Variants in PSPH observed in about 807,000 individuals in gnomAD.
PSPH encodes the protein L-3-phosphoserine phosphatase.
Under a neutral mutation model 23.4 loss-of-function variants are expected in PSPH, and 16 were observed. That is an observed-to-expected ratio of 0.68 (90% CI 0.46 to 1.04). The LOEUF (loss-of-function observed/expected upper bound fraction) is 1.04. Among genes scored for constraint, PSPH ranks in the 50% least tolerant of loss-of-function variants. PSPH has a pLI of 0.00. For synonymous variants in PSPH, 68 were observed against 99.7 expected (o/e 0.68, Z 1.89); for missense variants, 223 against 273.7 (o/e 0.81, Z 1.31).
chr7:56,037,466 T>C (rs1181406918), intron 1 of PSPH, among the ~76,000 whole-genome samples: 1 of 151,860 alleles, frequency 6.6e-6, no homozygotes, highest in Admixed American at 6.6e-5. Context: ...TAACCCAGGC[T>C]GAAGTGCAGT....
intron 3 of PSPH, among the ~76,000 whole-genome samples, chr7:56,022,540 G>C (rs1232654834): frequency 1.3e-5 from 2 of 152,120 alleles, no homozygotes; most frequent in Admixed American, 6.6e-5. Flanking sequence ...GAAGGAAGCA[G>C]ATGACCTGCT....
In PSPH at chr7:56,032,388, T is replaced by C. The variant is rs182900655; in HGVS notation, c.-145-334A>G. ...ACAAGGAAGCAGACTTGGGCGGGCATGATGGCTCACACCTGTAATCCCAGC... is the reference window on the plus strand; with the variant it reads ...ACAAGGAAGCAGACTTGGGCGGGCACGATGGCTCACACCTGTAATCCCAGC... On this transcript the variant is annotated intron_variant, in intron 2 of 7. Transcript: ENST00000275605. 2.0e-3 allele frequency among the ~76,000 whole-genome samples: 304 copies of C among 152,138 alleles called. 1 individual carries two copies. Among genetic ancestry groups the C allele is most frequent in the Non-Finnish European group, 3.2e-3 (216 of 67,998 alleles).
At chr7:56,037,937 C>A (rs1791953242) in intron 1 of PSPH, among the ~76,000 whole-genome samples, 1 of 151,186 alleles carries the variant, frequency 6.6e-6, no homozygotes, top group Non-Finnish European at 1.5e-5. Context: ...GGTCTTGAAC[C>A]CCTGGCCTCA....
At chr7:56,024,743 G>A (rs1373790551) in intron 3 of PSPH, among the ~76,000 whole-genome samples, 3 of 150,654 alleles carry the variant, frequency 2.0e-5, no homozygotes, top group African/African-American at 7.3e-5. Flanking sequence ...GTGAGACCCT[G>A]TCTCAAAAGT....
At chr7:56,038,502 G>A (rs1304706432) in intron 1 of PSPH, among the ~76,000 whole-genome samples, 1 of 151,582 alleles carries the variant, frequency 6.6e-6, no homozygotes. Context: ...CAATTTCTAT[G>A]ACCCAGCAAT....
chr7:56,039,139 ACT>A (rs966228251), intron 1 of PSPH, among the ~76,000 whole-genome samples: 3 of 141,820 alleles, frequency 2.1e-5, no homozygotes, highest in Non-Finnish European at 3.1e-5. Context: ...CAAGAACAAA[ACT>A]CTGTCTCAAA....
chr7:56,034,765 CTTG>C, intron 1 of PSPH, among the ~76,000 whole-genome samples: 1 of 152,208 alleles, frequency 6.6e-6, no homozygotes, highest in Non-Finnish European at 1.5e-5. Flanking sequence ...ATCCGCCCGC[CTTG>C]GCCTCCCAAA....
intron 3 of PSPH, among the ~76,000 whole-genome samples, chr7:56,026,856 G>C (rs1257580864): frequency 1.3e-5 from 2 of 152,024 alleles, no homozygotes; most frequent in African/African-American, 4.8e-5. Context: ...ACAGACAAAT[G>C]GTGTAAGAGG....
At chr7:56,016,227 C>T (rs535946192) in intron 6 of PSPH, among the ~76,000 whole-genome samples, 8 of 150,766 alleles carry the variant, frequency 5.3e-5, no homozygotes, top group Admixed American at 1.3e-4. Context: ...GATGAAACCC[C>T]GACTCTACTA....
At chr7:56,023,224 C>T (rs1387860876) in intron 3 of PSPH, among the ~76,000 whole-genome samples, 1 of 151,914 alleles carries the variant, frequency 6.6e-6, no homozygotes, top group Non-Finnish European at 1.5e-5. Context: ...CTGGAAGCCA[C>T]ACTGCTACAG....
At chr7:56,030,335 C>T (rs1050073896) in intron 3 of PSPH, among the ~76,000 whole-genome samples, 2 of 151,878 alleles carry the variant, frequency 1.3e-5, no homozygotes, top group African/African-American at 2.4e-5. Flanking sequence ...GTCTTGAACT[C>T]CTGACCTCAG....
chr7:56,013,361 TAAAC>T lies in PSPH; in HGVS notation c.571-1496_571-1493del, dbSNP rs1788188558. Among the ~76,000 whole-genome samples, 4 of 150,320 alleles carry T rather than the reference TAAAC, an allele frequency of 2.7e-5. No homozygotes were observed. In the South Asian group the frequency reaches 8.5e-4, roughly 32 times the overall value. On this transcript the variant is annotated intron_variant, in intron 7 of 7. Coordinates refer to ENST00000275605, the MANE Select transcript of PSPH (RefSeq NM_004577.4). ...AGTGAGACCTCATCTCTACAAAACA[TAAAC>T]AAAATTAGATAGGTGTGGTGGCATG...
intron 1 of PSPH, among the ~76,000 whole-genome samples, chr7:56,045,515 T>C (rs1219095518): frequency 6.6e-6 from 1 of 151,968 alleles, no homozygotes; most frequent in African/African-American, 2.4e-5. Flanking sequence ...TGCAAATGGT[T>C]AGGTCTGAGA....
At chr7:56,048,094 C>T (rs1378872751) in intron 1 of PSPH, among the ~76,000 whole-genome samples, 1 of 152,036 alleles carries the variant, frequency 6.6e-6, no homozygotes, top group Non-Finnish European at 1.5e-5. Context: ...GCCTGGCTAA[C>T]ATGGTGAAAC....
rs181405318 is a variant in PSPH at position 56,039,233 on chromosome 7, T to A, written c.-291-5127A>T. Among the ~76,000 whole-genome samples the A allele has an allele frequency of 3.2e-3, 481 of 150,884 alleles. 8 individuals are homozygous for A. Among genetic ancestry groups the A allele is most frequent in the East Asian group, 0.012 (61 of 5,130 alleles). ...ATTCTCAGTTACTGTGATGCTCCAATAGCCACTGGAAACTTTAAAAAGAGA... is the reference window on the plus strand; with the variant it reads ...ATTCTCAGTTACTGTGATGCTCCAAAAGCCACTGGAAACTTTAAAAAGAGA... On this transcript the variant is annotated intron_variant, in intron 1 of 7. Transcript: ENST00000275605.
At position 56,021,197 on chromosome 7, in the gene PSPH, C is replaced by G. The variant is rs947948027; in HGVS notation, c.16G>C (p.Glu6Gln). The G allele has an allele frequency of 6.2e-7, 1 of 1,614,178 alleles. No individual in the cohort carries two copies. Among genetic ancestry groups the G allele is most frequent in the Non-Finnish European group, 8.5e-7 (1 of 1,179,998 alleles). Reference sequence around the variant, plus strand: ...GCTGAGTAGAAAAGCTTCCTCAGCTCTGAGTGGGAGACCATCGCTGGAAGA... The same window carrying G: ...GCTGAGTAGAAAAGCTTCCTCAGCTGTGAGTGGGAGACCATCGCTGGAAGA... Reference protein sequence around the residue: MVSHSELRKLFYSADA... With the variant: MVSHSQLRKLFYSADA... The change falls in exon 4 of 8, where the codon GAG becomes CAG. Residue 6 changes from glutamate (E) to glutamine (Q), a missense_variant. Glu to Gln is a conservative substitution (Grantham distance 29). Transcript: ENST00000275605.
In PSPH at chr7:56,034,685, T is replaced by C. The variant is rs1415228491; in HGVS notation, c.-291-579A>G. On this transcript the variant is annotated intron_variant, in intron 1 of 7. Transcript: ENST00000275605. ...CGCCCGCCACCACGCCCGGCTAATT[T>C]TTTGTATTTTTTAATAGAGACGGGG... Among the ~76,000 whole-genome samples, 8 of 150,600 alleles carry C rather than the reference T, an allele frequency of 5.3e-5. No homozygotes were observed. In the East Asian group the frequency reaches 1.6e-3, roughly 30 times the overall value.
At position 56,017,542 on chromosome 7, in the gene PSPH, T is replaced by C. The variant is rs192167767; in HGVS notation, c.276-163A>G. ...CTGCCTGGGGTGTTAATGTTTTATA[T>C]ATGTTTTTCTTTTTCTTTTTTTTTT... On this transcript the variant is annotated intron_variant, in intron 5 of 7. Transcript: ENST00000275605. 3.3e-5 allele frequency among the ~76,000 whole-genome samples: 5 copies of C among 151,994 alleles called. No homozygotes were observed. The East Asian group carries it at 7.7e-4, about 24-fold the overall frequency.
intron 3 of PSPH, among the ~76,000 whole-genome samples, chr7:56,025,203 C>T (rs188078348): frequency 1.4e-4 from 22 of 152,108 alleles, no homozygotes; most frequent in East Asian, 9.7e-4. Flanking sequence ...AACCTCAGTC[C>T]GCACAAATAC....
Sources: gnomAD v4.1 joint callset for allele counts (sites outside exome capture counted in the v4.1 genomes callset) on GRCh38, gnomAD v4.1.1 for gene constraint, MANE v1.5 for transcripts, NCBI Gene and HGNC (gene_info 2026-07-23, HGNC 2026-07-21) for gene names.